The following MAP4K5 variants were observed in gnomAD, a reference collection of about 807,000 sequenced individuals.
MAP4K5 encodes MAPK/ERK kinase kinase kinase 5.
Under a neutral mutation model 135.6 loss-of-function variants are expected in MAP4K5, and 82 were observed. The observed-to-expected ratio is 0.60, with a 90% CI of 0.51 to 0.73. MAP4K5 has a LOEUF of 0.73. Ranked by LOEUF, MAP4K5 falls within the 30% of genes least tolerant of loss-of-function variation. The pLI is 0.00. For missense variants in MAP4K5, 907 were observed against 1,010.9 expected (o/e 0.90, Z 1.39); for synonymous variants, 347 against 335.0 (o/e 1.04, Z -0.39).
At chr14:50,501,048 C>T (rs994756451) in intron 3 of MAP4K5, among the ~76,000 whole-genome samples, 1 of 151,924 alleles carries the variant, frequency 6.6e-6, no homozygotes, top group Non-Finnish European at 1.5e-5. Flanking sequence ...AAATATAAAA[C>T]TAAGTCTAAA....
chr14:50,551,484 C>A (rs1043015043), intron 1 of MAP4K5, among the ~76,000 whole-genome samples: 9 of 151,990 alleles, frequency 5.9e-5, no homozygotes, highest in African/African-American at 2.2e-4. Flanking sequence ...GAAACTATTT[C>A]AAAAGATAAA....
intron 9 of MAP4K5, among the ~76,000 whole-genome samples, chr14:50,470,470 T>A (rs2036932137): frequency 6.6e-6 from 1 of 152,162 alleles, no homozygotes; most frequent in Non-Finnish European, 1.5e-5. Context: ...CTATAGGTTA[T>A]CTAACTCACC....
rs577510380 is a variant in MAP4K5, at chr14:50,456,619, T to C, written c.937-25A>G. On this transcript the variant is annotated intron_variant, in intron 13 of 32. Transcript: ENST00000682126. ...GCTGTGAATATAAGCATAATATATATACTTTAACAAATTTCAATGAGAAAG... is the reference window on the plus strand; with the variant it reads ...GCTGTGAATATAAGCATAATATATACACTTTAACAAATTTCAATGAGAAAG... 5.7e-6 allele frequency: 8 copies of C among 1,401,394 alleles called. 1 individual carries two copies. The highest frequency in any genetic ancestry group is 2.8e-5 in the South Asian group (2 of 71,218). The allele number at this position is 1,401,394 out of a possible 1,614,324, so 86.8% of individuals were successfully genotyped here. A position where few individuals can be genotyped will look rare whatever the true frequency, so the allele number is the denominator to read the frequency against.
At chr14:50,465,050 T>A (rs975915673) in intron 11 of MAP4K5, among the ~76,000 whole-genome samples, 10 of 152,198 alleles carry the variant, frequency 6.6e-5, no homozygotes, top group African/African-American at 2.4e-4. Flanking sequence ...GGACCCAGTG[T>A]CAATACAAAG....
At chr14:50,545,123 A>G (rs1566707105) in intron 1 of MAP4K5, among the ~76,000 whole-genome samples, 1 of 152,106 alleles carries the variant, frequency 6.6e-6, no homozygotes, top group African/African-American at 2.4e-5. Context: ...CTGGGAACCT[A>G]CTAAGAAAAA....
intron 14 of MAP4K5, among the ~76,000 whole-genome samples, chr14:50,454,342 C>G (rs1266275567): frequency 6.6e-6 from 1 of 152,104 alleles, no homozygotes; most frequent in Non-Finnish European, 1.5e-5. Flanking sequence ...TGATCATGTT[C>G]TAACTCATAT....
intron 1 of MAP4K5, among the ~76,000 whole-genome samples, chr14:50,549,897 G>GT (rs1349837034): frequency 6.6e-6 from 1 of 152,198 alleles, no homozygotes; most frequent in Non-Finnish European, 1.5e-5. Context: ...GCATCATTCC[G>GT]TATGAATGGG....
chr14:50,463,408 C>T (rs1566657408), intron 12 of MAP4K5, among the ~76,000 whole-genome samples: 1 of 152,060 alleles, frequency 6.6e-6, no homozygotes, highest in Non-Finnish European at 1.5e-5. Context: ...AAACTACAGC[C>T]CATGGGGAAA....
chr14:50,494,446 G>A (rs1052094479), intron 3 of MAP4K5, among the ~76,000 whole-genome samples: 2 of 151,998 alleles, frequency 1.3e-5, no homozygotes, highest in Non-Finnish European at 1.5e-5. Context: ...GATTACAAGC[G>A]TGAGCCACCG....
chr14:50,445,180 A>G lies in MAP4K5; in HGVS notation c.1200T>C (p.Ser400=). The G allele has an allele frequency of 6.2e-7, 1 of 1,613,326 alleles. No individual in the cohort carries two copies. The highest frequency in any genetic ancestry group is 8.5e-7 in the Non-Finnish European group (1 of 1,179,528). Residue 400 remains serine (S), a synonymous_variant, in exon 18 of 33, where the codon AGT becomes AGC. Coordinates refer to ENST00000682126, the MANE Select transcript of MAP4K5 (RefSeq NM_006575.6). ...CATCCGGAAAGTTGTCTTCAGGGTA[A>G]CTGCTTATCCTTGGCTAGTGGTACA... ...PPLPPKPRIS[S]YPEDNFPDEE...
At chr14:50,436,925 C>T (rs1027853079) in intron 26 of MAP4K5, among the ~76,000 whole-genome samples, 5 of 152,120 alleles carry the variant, frequency 3.3e-5, no homozygotes, top group African/African-American at 4.8e-5. Context: ...TATATTCTTT[C>T]CCTGTTCTAA....
intron 3 of MAP4K5, among the ~76,000 whole-genome samples, chr14:50,501,790 G>A (rs1178383641): frequency 2.0e-5 from 3 of 152,104 alleles, no homozygotes; most frequent in African/African-American, 7.2e-5. Context: ...GTAAGGGAAA[G>A]ACTGAAGCCA....
intron 29 of MAP4K5, 54 bp from the exon 30 acceptor site, chr14:50,428,808 G>A (rs1198542027): frequency 2.4e-6 from 2 of 817,692 alleles, no homozygotes; most frequent in East Asian, 2.9e-5. Context: ...TAAAATAAAT[G>A]TAACTTGATA....
chr14:50,560,086 C>T, intron 1 of MAP4K5: 2 of 683,888 alleles, frequency 2.9e-6, no homozygotes, highest in Admixed American at 2.3e-5. Flanking sequence ...CTTGGTTCAT[C>T]TGCTTTCTCC....
upstream of MAP4K5, among the ~76,000 whole-genome samples, chr14:50,533,852 C>T (rs2038456405): frequency 6.6e-6 from 1 of 152,184 alleles, no homozygotes; most frequent in Non-Finnish European, 1.5e-5. Flanking sequence ...TAAATTCGCA[C>T]CTTAACAGGA....
At chr14:50,421,777 G>A (rs1354540542) in intron 32 of MAP4K5, among the ~76,000 whole-genome samples, 3 of 152,098 alleles carry the variant, frequency 2.0e-5, no homozygotes, top group South Asian at 4.1e-4. Flanking sequence ...TAGGTAGAAG[G>A]AAACAAGCAA....
chr14:50,428,308 T>C (rs1047937015), intron 30 of MAP4K5, among the ~76,000 whole-genome samples: 1 of 152,112 alleles, frequency 6.6e-6, no homozygotes, highest in Admixed American at 6.5e-5. Flanking sequence ...CAGGCTGGAA[T>C]GCAATGGCAT....
intron 3 of MAP4K5, among the ~76,000 whole-genome samples, chr14:50,491,254 TA>T (rs2037477741): frequency 6.6e-6 from 1 of 151,948 alleles, no homozygotes; most frequent in Non-Finnish European, 1.5e-5. Flanking sequence ...AATACTGAGG[TA>T]ATTAATTCAA....
At position 50,527,297 on chromosome 14, in the gene MAP4K5, G is replaced by A. The variant is rs529830639; in HGVS notation, c.108+4645C>T. On this transcript the variant is annotated intron_variant, in intron 2 of 32. Transcript: ENST00000682126. ...GGAGGTTGCAGTAAGCTGAGATTGCGCCACCGCACTCCAGCCTGGCGACAC... is the reference window on the plus strand; with the variant it reads ...GGAGGTTGCAGTAAGCTGAGATTGCACCACCGCACTCCAGCCTGGCGACAC... 9.2e-5 allele frequency among the ~76,000 whole-genome samples: 14 copies of A among 151,726 alleles called. No homozygotes were observed. In the South Asian group the frequency reaches 2.5e-3, roughly 27 times the overall value.
Sources: gnomAD v4.1 joint callset for allele counts (sites outside exome capture counted in the v4.1 genomes callset) on GRCh38, gnomAD v4.1.1 for gene constraint, MANE v1.5 for transcripts, NCBI Gene and HGNC (gene_info 2026-07-23, HGNC 2026-07-21) for gene names.